The following DLG2 variants were observed in gnomAD, a reference collection of about 807,000 sequenced individuals.
DLG2 encodes the protein discs large MAGUK scaffold protein 2.
A neutral mutation model predicts 132.5 loss-of-function variants in DLG2; 45 were observed. The ratio of observed to expected loss-of-function variants is 0.34; its 90% CI spans 0.27 to 0.44. The LOEUF is 0.44. DLG2 is among the 20% of genes least tolerant of loss of function. The pLI is 1.00. For missense variants in DLG2, 1,045 were observed against 1,196.9 expected (o/e 0.87, Z 1.87); for synonymous variants, 424 against 419.6 (o/e 1.01, Z -0.13).
At chr11:85,128,886 A>T (rs1323530642) in intron 5 of DLG2, among the ~76,000 whole-genome samples, 2 of 152,190 alleles carry the variant, frequency 1.3e-5, no homozygotes, top group Non-Finnish European at 2.9e-5. Context: ...AATAAATTAT[A>T]CTATATACAC....
At chr11:84,618,624 C>A (rs2099608637) in intron 6 of DLG2, among the ~76,000 whole-genome samples, 1 of 151,932 alleles carries the variant, frequency 6.6e-6, no homozygotes, top group South Asian at 2.1e-4. Context: ...CAAAAGGGAC[C>A]AAAGTGGCTC....
chr11:84,654,350 A>G (rs143774330), intron 6 of DLG2, among the ~76,000 whole-genome samples: 1 of 152,170 alleles, frequency 6.6e-6, no homozygotes, highest in Non-Finnish European at 1.5e-5. Context: ...GCCCTACATC[A>G]TCTAAAGCAT....
intron 6 of DLG2, among the ~76,000 whole-genome samples, chr11:84,901,757 G>A (rs190902327): frequency 1.3e-5 from 2 of 152,114 alleles, no homozygotes; most frequent in East Asian, 1.9e-4. Flanking sequence ...TGAAGTAACT[G>A]ACATTCATGA....
chr11:84,260,713 A>G (rs1352462061), intron 7 of DLG2, among the ~76,000 whole-genome samples: 1 of 152,170 alleles, frequency 6.6e-6, no homozygotes, highest in Non-Finnish European at 1.5e-5. Context: ...AGAGGCACAG[A>G]ATGATTCTGT....
At chr11:84,078,474 G>A (rs1174335525) in intron 10 of DLG2, among the ~76,000 whole-genome samples, 3 of 152,116 alleles carry the variant, frequency 2.0e-5, no homozygotes, top group Non-Finnish European at 4.4e-5. Flanking sequence ...ATTTCAGATT[G>A]TTTCTTTATA....
At chr11:84,810,776 C>G (rs543952560) in intron 6 of DLG2, among the ~76,000 whole-genome samples, 8 of 152,032 alleles carry the variant, frequency 5.3e-5, no homozygotes, top group Non-Finnish European at 1.0e-4. Flanking sequence ...TAACAGACTA[C>G]TGATACACAT....
intron 3 of DLG2, among the ~76,000 whole-genome samples, chr11:85,432,045 G>C (rs1047916844): frequency 3.3e-5 from 5 of 152,164 alleles, no homozygotes; most frequent in African/African-American, 1.2e-4. Flanking sequence ...GGCCTGGAGC[G>C]AACTCCCAGC....
At chr11:83,965,251 C>G in intron 13 of DLG2, 73 bp downstream of exon 13, 1 of 1,474,148 alleles carries the variant, frequency 6.8e-7, no homozygotes, top group Non-Finnish European at 9.2e-7. Flanking sequence ...AAGTAGAACA[C>G]TTTGTCAACA....
chr11:83,802,561 G>C lies in DLG2; in HGVS notation c.1723-15769C>G, dbSNP rs188432417. 5.3e-5 allele frequency among the ~76,000 whole-genome samples: 8 copies of C among 152,062 alleles called. No homozygotes were observed. In the East Asian group the frequency reaches 1.4e-3, roughly 26 times the overall value. ...CTTTATTTAAACTTAGTTTTTTTGT[G>C]ATTTCTGGGTTTCAGGTATTAAAAT... is the stretch of plus-strand genomic sequence containing the variant. On this transcript the variant is annotated intron_variant, in intron 17 of 27. Coordinates refer to ENST00000376104, the MANE Select transcript of DLG2 (RefSeq NM_001142699.3).
intron 3 of DLG2, among the ~76,000 whole-genome samples, chr11:85,505,707 T>C (rs553234920): frequency 3.3e-5 from 5 of 152,308 alleles, no homozygotes; most frequent in African/African-American, 9.6e-5. Flanking sequence ...CTGCCAGGCT[T>C]TGGTATCAGA....
intron 5 of DLG2, among the ~76,000 whole-genome samples, chr11:85,119,960 A>G (rs1446632372): frequency 1.3e-5 from 2 of 152,074 alleles, no homozygotes; most frequent in Non-Finnish European, 2.9e-5. Context: ...AGCTTTTGAT[A>G]AGACATAATT....
At chr11:84,327,711 C>G (rs940208849) in intron 7 of DLG2, among the ~76,000 whole-genome samples, 1 of 152,128 alleles carries the variant, frequency 6.6e-6, no homozygotes, top group South Asian at 2.1e-4. Context: ...TTTTACTCTT[C>G]CCCCCACATA....
At chr11:85,569,896 T>G (rs1056950473) in intron 3 of DLG2, among the ~76,000 whole-genome samples, 9 of 151,988 alleles carry the variant, frequency 5.9e-5, no homozygotes, top group African/African-American at 2.2e-4. Context: ...CAAAGGAAAA[T>G]AGATCACTAT....
intron 4 of DLG2, among the ~76,000 whole-genome samples, chr11:85,280,496 G>A (rs568010829): frequency 6.6e-6 from 1 of 152,140 alleles, no homozygotes; most frequent in South Asian, 2.1e-4. Context: ...TCCTGGCCCA[G>A]TGCTGTTACT....
intron 17 of DLG2, chr11:83,790,481 G>T: frequency 8.1e-7 from 1 of 1,230,486 alleles, no homozygotes; most frequent in Non-Finnish European, 1.2e-6. Context: ...TCACTACCAT[G>T]GGACCACTAC....
chr11:85,497,350 G>A (rs1026344439), intron 3 of DLG2, among the ~76,000 whole-genome samples: 1 of 150,924 alleles, frequency 6.6e-6, no homozygotes, highest in East Asian at 2.0e-4. Context: ...TGAACTCATT[G>A]AAAAAAACAA....
At chr11:84,734,412 G>C (rs1330237736) in intron 6 of DLG2, among the ~76,000 whole-genome samples, 1 of 152,148 alleles carries the variant, frequency 6.6e-6, no homozygotes, top group Non-Finnish European at 1.5e-5. Context: ...TGTGAATGGA[G>C]TTCACTCACA....
At chr11:84,193,071 T>G (rs1597126345) in intron 8 of DLG2, among the ~76,000 whole-genome samples, 1 of 152,230 alleles carries the variant, frequency 6.6e-6, no homozygotes, top group Admixed American at 6.5e-5. Flanking sequence ...AGTTGATAGG[T>G]CAGTTAATCA....
At chr11:84,390,492 C>T (rs992331700) in intron 7 of DLG2, among the ~76,000 whole-genome samples, 2 of 152,132 alleles carry the variant, frequency 1.3e-5, no homozygotes, top group Non-Finnish European at 2.9e-5. Flanking sequence ...AAACTGTTGG[C>T]AACCTTTAAA....
Sources: gnomAD v4.1 joint callset for allele counts (sites outside exome capture counted in the v4.1 genomes callset) on GRCh38, gnomAD v4.1.1 for gene constraint, MANE v1.5 for transcripts, NCBI Gene and HGNC (gene_info 2026-07-23, HGNC 2026-07-21) for gene names.